The following PTGES3 variants were observed in gnomAD, a reference collection of about 807,000 sequenced individuals.
PTGES3 encodes prostaglandin E synthase 3.
Under a neutral mutation model 29.9 loss-of-function variants are expected in PTGES3, and 5 were observed. The ratio of observed to expected loss-of-function variants is 0.17; its 90% CI spans 0.09 to 0.35. The LOEUF is 0.35. PTGES3 is among the 10% of genes least tolerant of loss of function. PTGES3 has a pLI of 1.00. For missense variants in PTGES3, 128 were observed against 190.0 expected (o/e 0.67, Z 1.92); for synonymous variants, 49 against 57.8 (o/e 0.85, Z 0.69).
rs1952955586 is a variant in PTGES3 at position 56,687,836 on chromosome 12, C to T, written c.2+162G>A. 5 of 1,469,676 alleles carry T rather than the reference C, an allele frequency of 3.4e-6. No individual in the cohort carries two copies. In the East Asian group the frequency reaches 1.3e-4, roughly 40 times the overall value. 91.0% of individuals were successfully genotyped at this position (1,469,676 alleles called of 1,614,324 possible). On this transcript the variant is annotated intron_variant, in intron 1 of 7. Coordinates refer to ENST00000262033, the MANE Select transcript of PTGES3 (RefSeq NM_006601.7). ...ACATCTGGAGGAAAAATGTCCTCCA[C>T]CCGCCAACGGTAACCGGAACAAGGA...
At chr12:56,684,696 A>G (rs1251858142) in intron 1 of PTGES3, among the ~76,000 whole-genome samples, 1 of 152,230 alleles carries the variant, frequency 6.6e-6, no homozygotes, top group Non-Finnish European at 1.5e-5. Context: ...AATGATTCAA[A>G]AAGAAAATGC....
intron 1 of PTGES3, among the ~76,000 whole-genome samples, chr12:56,678,512 T>C (rs928237434): frequency 2.0e-5 from 3 of 152,206 alleles, no homozygotes; most frequent in Non-Finnish European, 2.9e-5. Flanking sequence ...GCATTGCACA[T>C]AGTAAAACTA....
Position 56,687,713 on chromosome 12 carries a change from G to A in PTGES3, c.2+285C>T, listed in dbSNP as rs969048258. 14 of 1,352,292 alleles carry A rather than the reference G, an allele frequency of 1.0e-5. No individual in the cohort carries two copies. In the African/African-American group the frequency reaches 1.2e-4, roughly 12 times the overall value. 83.8% of individuals were successfully genotyped at this position (1,352,292 alleles called of 1,614,324 possible). A position where few individuals can be genotyped will look rare whatever the true frequency, so the allele number is the denominator to read the frequency against. Reference sequence around the variant, plus strand: ...CCGGGAGCTTAAGGCCTAGGGTGAAGTTACCGAAAGAGGCGAGTAACCCAG... The same window carrying A: ...CCGGGAGCTTAAGGCCTAGGGTGAAATTACCGAAAGAGGCGAGTAACCCAG... On this transcript the variant is annotated intron_variant, in intron 1 of 7. Transcript: ENST00000262033.
intron 5 of PTGES3, among the ~76,000 whole-genome samples, chr12:56,667,454 G>C (rs1951831874): frequency 6.6e-6 from 1 of 152,148 alleles, no homozygotes; most frequent in Non-Finnish European, 1.5e-5. Context: ...ACATACAATG[G>C]AATGTGTTCA....
Position 56,681,537 on chromosome 12 carries a change from CAAAAAAAAAAAAAAA to C in PTGES3, c.2+6446_2+6460del, listed in dbSNP as rs34581651. ...TGGGCAACAGAGTGAGACTCCATCT[CAAAAAAAAAAAAAAA>C]AAAAAAAAAGAATCAGCCGGGTGCA... On this transcript the variant is annotated intron_variant, in intron 1 of 7. Transcript: ENST00000262033. Among the ~76,000 whole-genome samples the C allele has an allele frequency of 1.2e-4, 3 of 25,686 alleles. No individual in the cohort carries two copies. The South Asian group carries it at 9.3e-3, about 80-fold the overall frequency. 16.9% of individuals were successfully genotyped at this position (25,686 alleles called of 152,430 possible). A position where few individuals can be genotyped will look rare whatever the true frequency, so the allele number is the denominator to read the frequency against.
At chr12:56,678,885 G>A (rs905238135) in intron 1 of PTGES3, among the ~76,000 whole-genome samples, 16 of 152,198 alleles carry the variant, frequency 1.1e-4, no homozygotes, top group Non-Finnish European at 2.1e-4. Context: ...AGGAGGCCAA[G>A]GTGAGAGTAT....
chr12:56,678,065 G>A (rs1243177748), intron 1 of PTGES3, among the ~76,000 whole-genome samples: 1 of 149,764 alleles, frequency 6.7e-6, no homozygotes, highest in East Asian at 1.9e-4. Context: ...TATAGGCAAG[G>A]TGTTTGATAC....
intron 6 of PTGES3, 107 bp from the exon 7 acceptor site, chr12:56,664,907 G>A: frequency 6.7e-7 from 1 of 1,491,524 alleles, no homozygotes; most frequent in Non-Finnish European, 8.9e-7. Flanking sequence ...AAGTAGCACA[G>A]GTAGGTAGTC....
rs1041220337 is a variant in PTGES3, at chr12:56,687,316, T to G, written c.2+682A>C. On this transcript the variant is annotated intron_variant, in intron 1 of 7. Transcript: ENST00000262033. ...CAAAGTCGACACGTGCGGAACTACC[T>G]GCTCAATGGTAACTCCTCCTCGCTG... 1.4e-5 allele frequency: 14 copies of G among 989,586 alleles called. No individual in the cohort carries two copies. The Admixed American group carries it at 6.1e-4, about 43-fold the overall frequency. The allele number at this position is 989,586 out of a possible 1,614,324, so 61.3% of individuals were successfully genotyped here. A position where few individuals can be genotyped will look rare whatever the true frequency, so the allele number is the denominator to read the frequency against.
chr12:56,687,955 G>C, intron 1 of PTGES3, 43 bp downstream of exon 1: 2 of 1,603,014 alleles, frequency 1.2e-6, no homozygotes, highest in South Asian at 1.1e-5. Context: ...ACGCGGCCTC[G>C]GCCTCACTCG....
chr12:56,667,659 A>G (rs1951839423), intron 5 of PTGES3, among the ~76,000 whole-genome samples: 1 of 152,224 alleles, frequency 6.6e-6, no homozygotes, highest in African/African-American at 2.4e-5. Flanking sequence ...AGAGAGTAGA[A>G]TGGTAGATGC....
intron 1 of PTGES3, among the ~76,000 whole-genome samples, chr12:56,683,914 C>T (rs1205946430): frequency 6.7e-6 from 1 of 148,532 alleles, no homozygotes; most frequent in Non-Finnish European, 1.5e-5. Flanking sequence ...GAGCCGAGAT[C>T]GCGCCACTGC....
intron 1 of PTGES3, among the ~76,000 whole-genome samples, chr12:56,684,345 G>T (rs1037533125): frequency 3.3e-5 from 5 of 152,084 alleles, no homozygotes; most frequent in African/African-American, 9.7e-5. Flanking sequence ...CTGAACACAG[G>T]AAGAAAAATT....
At chr12:56,682,370 C>A (rs894033470) in intron 1 of PTGES3, among the ~76,000 whole-genome samples, 5 of 151,942 alleles carry the variant, frequency 3.3e-5, no homozygotes, top group Non-Finnish European at 7.4e-5. Flanking sequence ...ACAAGATAAG[C>A]CTTAGCAACA....
chr12:56,681,094 G>T (rs1455022446), intron 1 of PTGES3, among the ~76,000 whole-genome samples: 2 of 151,350 alleles, frequency 1.3e-5, no homozygotes, highest in Non-Finnish European at 2.9e-5. Context: ...GTTGTGTTTT[G>T]TTTTTTTGTT....
intron 1 of PTGES3, among the ~76,000 whole-genome samples, chr12:56,682,930 G>A (rs562961941): frequency 4.2e-4 from 64 of 151,936 alleles, no homozygotes; most frequent in African/African-American, 1.5e-3. Flanking sequence ...GGAGGCAGAG[G>A]TTGCAGTGAG....
chr12:56,685,327 CTT>C (rs933172310), intron 1 of PTGES3, among the ~76,000 whole-genome samples: 11 of 151,578 alleles, frequency 7.3e-5, no homozygotes, highest in East Asian at 1.9e-4. Context: ...CTTCAAAACA[CTT>C]GTTTCCCCCA....
intron 1 of PTGES3, chr12:56,687,612 AGAACC>A: frequency 9.1e-7 from 1 of 1,101,220 alleles, no homozygotes; most frequent in Non-Finnish European, 1.1e-6. Context: ...ACAAAGCAAC[AGAACC>A]GGAGCGCCCA....
intron 7 of PTGES3, 133 bp from the exon 8 acceptor site, chr12:56,664,631 A>G: frequency 7.3e-7 from 1 of 1,371,598 alleles, no homozygotes; most frequent in South Asian, 1.3e-5. Flanking sequence ...CTTGCTATCA[A>G]GTTATTCACA....
Sources: gnomAD v4.1 joint callset for allele counts (sites outside exome capture counted in the v4.1 genomes callset) on GRCh38, gnomAD v4.1.1 for gene constraint, MANE v1.5 for transcripts, NCBI Gene and HGNC (gene_info 2026-07-23, HGNC 2026-07-21) for gene names.